CELF2: variants seen among roughly 807,000 people sequenced by gnomAD.
CELF2 encodes CUGBP Elav-like family member 2, also known as CUG triplet repeat RNA-binding protein 2.
Under a neutral mutation model 62.6 loss-of-function variants are expected in CELF2, and 8 were observed. The observed-to-expected ratio is 0.13, with a 90% CI of 0.07 to 0.23. The LOEUF (loss-of-function observed/expected upper bound fraction) is 0.23, where lower values mean the gene tolerates loss of function less well. Among genes scored for constraint, CELF2 ranks in the 10% least tolerant of loss-of-function variants. The pLI, the probability that CELF2 is intolerant of heterozygous loss-of-function variation, is 1.00. For missense variants in CELF2, 333 were observed against 671.0 expected, an observed-to-expected ratio of 0.50 and a Z score of 5.56; for synonymous variants, 258 against 250.0, an observed-to-expected ratio of 1.03 and a Z score of -0.30.
chr10:10,816,913 C>T (rs2056511585), intron 1 of CELF2, among the ~76,000 whole-genome samples: 2 of 152,196 alleles, frequency 1.3e-5, no homozygotes, highest in Non-Finnish European at 2.9e-5. Context: ...TGCAAATATG[C>T]ACTACTCTGG....
the CELF2 span, among the ~76,000 whole-genome samples, chr10:10,594,665 G>T: frequency 6.6e-6 from 1 of 152,180 alleles, no homozygotes; most frequent in African/African-American, 2.4e-5. Context: ...ACAGAACCAA[G>T]AATTTGCTCA....
chr10:11,148,843 A>AACACACACAC (rs58567770), intron 1 of CELF2, among the ~76,000 whole-genome samples: 3,414 of 146,872 alleles, frequency 0.023, 125 homozygotes, highest in African/African-American at 0.078. Context: ...TCTTAAACCA[A>AACACACACAC]ACACACACAC....
intron 2 of CELF2, among the ~76,000 whole-genome samples, chr10:11,202,945 CTCTCTCTGTG>C (rs751035316): frequency 0.094 from 6,469 of 68,990 alleles, 217 homozygotes; most frequent in Non-Finnish European, 0.14. Flanking sequence ...CTCTCTCTCT[CTCTCTCTGTG>C]TGTGTGTGTG....
the CELF2 span, among the ~76,000 whole-genome samples, chr10:10,633,351 C>G: frequency 6.6e-6 from 1 of 152,158 alleles, no homozygotes; most frequent in Non-Finnish European, 1.5e-5. Context: ...TGCTTACAGG[C>G]TATGGTTCTG....
the CELF2 span, among the ~76,000 whole-genome samples, chr10:10,734,065 C>T: frequency 1.8e-3 from 267 of 152,228 alleles, no homozygotes; most frequent in African/African-American, 6.1e-3. Context: ...CAACAAACCT[C>T]AATAAGACCC....
upstream of CELF2, chr10:11,005,124 T>G: frequency 4.1e-6 from 4 of 985,290 alleles, no homozygotes; most frequent in Non-Finnish European, 4.8e-6. This position sits in a 1 kb window ranked among gnomAD's most constrained non-coding sequence, Gnocchi z 4.3. Flanking sequence ...CACAGTGTAT[T>G]AGTGTAATAA....
intron 1 of CELF2, among the ~76,000 whole-genome samples, chr10:10,829,595 T>C (rs533744431): frequency 7.9e-4 from 120 of 152,340 alleles, no homozygotes; most frequent in South Asian, 2.1e-3. Flanking sequence ...CAGATGTTAT[T>C]CCAAGGGAAT....
chr10:10,706,561 A>G, the CELF2 span, among the ~76,000 whole-genome samples: 2,510 of 152,320 alleles, frequency 0.016, 33 homozygotes, highest in African/African-American at 0.037. Flanking sequence ...GAAAAGAGGC[A>G]AAAAGAAATG....
the CELF2 span, among the ~76,000 whole-genome samples, chr10:10,691,828 T>C: frequency 6.8e-6 from 1 of 148,036 alleles, no homozygotes; most frequent in Non-Finnish European, 1.5e-5. Context: ...TCTGTTCATG[T>C]CCTTCGCCCA....
chr10:11,136,464 C>T (rs918632407), intron 1 of CELF2, among the ~76,000 whole-genome samples: 14 of 152,102 alleles, frequency 9.2e-5, no homozygotes, highest in African/African-American at 3.4e-4. Context: ...ATTAGCCAGG[C>T]ATGGTGGCAG....
chr10:11,051,927 G>A (rs1470702345), intron 1 of CELF2, among the ~76,000 whole-genome samples: 3 of 144,884 alleles, frequency 2.1e-5, no homozygotes, highest in Admixed American at 6.9e-5. Flanking sequence ...TTTGGAGACA[G>A]GGTCTCTGTG....
At chr10:11,131,849 G>T (rs7092041) in intron 1 of CELF2, among the ~76,000 whole-genome samples, 1 of 152,194 alleles carries the variant, frequency 6.6e-6, no homozygotes, top group Admixed American at 6.5e-5. Context: ...ATTGCGGCTG[G>T]TTAGACATAA....
chr10:11,205,415 T>G (rs1432885921), intron 2 of CELF2, among the ~76,000 whole-genome samples: 2 of 152,230 alleles, frequency 1.3e-5, no homozygotes, highest in Non-Finnish European at 2.9e-5. Flanking sequence ...CATGTTAAAT[T>G]TAAAGTGGAC....
At position 10,954,467 on chromosome 10, in the gene CELF2, C is replaced by T. The variant is rs568395392; in HGVS notation, c.89+34468C>T. ...TTCACCATGTTGGTCAGGCAGGTCC[C>T]GAACTCCTGACCTTGTGATCCGCCC... is the stretch of plus-strand genomic sequence containing the variant. On this transcript the variant is annotated intron_variant, in intron 2 of 13. Coordinates refer to the CELF2 transcript ENST00000636488. Among the ~76,000 whole-genome samples, 32 of 152,106 alleles carry T rather than the reference C, an allele frequency of 2.1e-4. 1 individual carries two copies. The highest frequency in any genetic ancestry group is 4.1e-4 in the Non-Finnish European group (28 of 68,008).
chr10:10,491,698 G>T, the CELF2 span, among the ~76,000 whole-genome samples: 1 of 152,164 alleles, frequency 6.6e-6, no homozygotes, highest in African/African-American at 2.4e-5. Context: ...CCCAAAGCCA[G>T]TGAAATCTTT....
intron 2 of CELF2, chr10:10,923,832 T>G (rs1044027084): frequency 1.3e-5 from 2 of 152,276 alleles, no homozygotes; most frequent in African/African-American, 4.8e-5. Context: ...AACCATTTTT[T>G]GAACTATGAA....
chr10:11,320,250 A>C (rs940570724), intron 10 of CELF2, among the ~76,000 whole-genome samples: 1 of 152,214 alleles, frequency 6.6e-6, no homozygotes, highest in African/African-American at 2.4e-5. Flanking sequence ...CAGTAGAGCC[A>C]AAGAGCAGTC....
upstream of CELF2, among the ~76,000 whole-genome samples, chr10:11,002,146 C>T (rs2054579105): frequency 1.3e-5 from 2 of 152,018 alleles, no homozygotes; most frequent in Admixed American, 6.6e-5. This position sits in a 1 kb window ranked among gnomAD's most constrained non-coding sequence, Gnocchi z 4.4. Context: ...TGGCGGAAGG[C>T]AAAAGTCACG....
rs945227544 is a variant in CELF2 at position 11,075,082 on chromosome 10, G to A, written c.74+56919G>A. On this transcript the variant is annotated intron_variant, in intron 1 of 12. Transcript: ENST00000633077. The surrounding 1 kb of genome is among the most constrained non-coding windows in gnomAD (Gnocchi z 5.4). ...TCTCTTGTTTCCTCTTGTCACTATGGGAAAATGCTGCTCTGTCCTAATCCC... is the reference window on the plus strand; with the variant it reads ...TCTCTTGTTTCCTCTTGTCACTATGAGAAAATGCTGCTCTGTCCTAATCCC... The A allele has an allele frequency of 6.6e-6, 1 of 152,160 alleles. No individual in the cohort carries two copies. The highest frequency in any genetic ancestry group is 2.4e-5 in the African/African-American group (1 of 41,428). 9.4% of individuals were successfully genotyped at this position (152,160 alleles called of 1,614,324 possible). A position where few individuals can be genotyped will look rare whatever the true frequency, so the allele number is the denominator to read the frequency against.
Sources: gnomAD v4.1 joint callset for allele counts (sites outside exome capture counted in the v4.1 genomes callset) on GRCh38, gnomAD v4.1.1 for gene constraint, Gnocchi (gnomAD v3.1) non-coding constraint, MANE v1.5 for transcripts, NCBI Gene and HGNC (gene_info 2026-07-23, HGNC 2026-07-21) for gene names.